The following ADAMTSL1 variants were observed in gnomAD, a reference collection of about 807,000 sequenced individuals.
The protein encoded by ADAMTSL1 is ADAMTS-like protein 1.
A neutral mutation model predicts 201.8 loss-of-function variants in ADAMTSL1; 126 were observed. The ratio of observed to expected loss-of-function variants is 0.62; its 90% confidence interval spans 0.54 to 0.72. The LOEUF (loss-of-function observed/expected upper bound fraction) is 0.72. Ranked by LOEUF, ADAMTSL1 falls within the 30% of genes least tolerant of loss-of-function variation. The pLI, the probability that ADAMTSL1 is intolerant of heterozygous loss-of-function variation, is 0.00. For missense variants in ADAMTSL1, 2,679 were observed against 2,277.8 expected, an observed-to-expected ratio of 1.18 and a Z score of -3.59; for synonymous variants, 1,121 against 903.4, an observed-to-expected ratio of 1.24 and a Z score of -4.32.
intron 23 of ADAMTSL1, among the ~76,000 whole-genome samples, chr9:18,834,760 C>T (rs1825208293): frequency 6.6e-6 from 1 of 152,154 alleles, no homozygotes; most frequent in Admixed American, 6.5e-5. Flanking sequence ...TTCTTTCACT[C>T]AGAATAATTA....
chr9:18,828,764 T>C (rs1824787584), intron 22 of ADAMTSL1, among the ~76,000 whole-genome samples: 1 of 147,940 alleles, frequency 6.8e-6, no homozygotes, highest in Admixed American at 6.7e-5. Context: ...CATCATTGTT[T>C]TCTCTATACA....
At chr9:18,120,534 G>T (rs541072469) in intron 1 of ADAMTSL1, among the ~76,000 whole-genome samples, 1 of 152,128 alleles carries the variant, frequency 6.6e-6, no homozygotes, top group Non-Finnish European at 1.5e-5. Flanking sequence ...TATGAATTAG[G>T]CTGTAGTCAT....
At chr9:18,869,518 C>G (rs1481434095) in intron 23 of ADAMTSL1, among the ~76,000 whole-genome samples, 2 of 152,178 alleles carry the variant, frequency 1.3e-5, no homozygotes, top group African/African-American at 4.8e-5. Context: ...AGAATAAATT[C>G]AATCCTGTTG....
chr9:18,745,620 T>G (rs1393840946), intron 15 of ADAMTSL1, among the ~76,000 whole-genome samples: 1 of 152,220 alleles, frequency 6.6e-6, no homozygotes, highest in East Asian at 1.9e-4. Flanking sequence ...TCATTGCTTC[T>G]AGGCCTTTCA....
At chr9:18,749,509 C>A (rs1819336242) in intron 15 of ADAMTSL1, among the ~76,000 whole-genome samples, 1 of 152,202 alleles carries the variant, frequency 6.6e-6, no homozygotes, top group Non-Finnish European at 1.5e-5. Context: ...CAGGCTTCTG[C>A]AGAAGCCAGG....
intron 15 of ADAMTSL1, among the ~76,000 whole-genome samples, chr9:18,747,008 A>C (rs1279366152): frequency 6.6e-6 from 1 of 152,104 alleles, no homozygotes. Context: ...GGGTGGTATC[A>C]GTGTGTTTGT....
intron 2 of ADAMTSL1, among the ~76,000 whole-genome samples, chr9:18,400,127 C>T (rs78846711): frequency 9.1e-6 from 1 of 110,132 alleles, no homozygotes; most frequent in African/African-American, 3.2e-5. Flanking sequence ...GCAACTCCCT[C>T]TTTCCAAAGC....
intron 1 of ADAMTSL1, among the ~76,000 whole-genome samples, chr9:18,113,206 C>G (rs1369852380): frequency 6.6e-6 from 1 of 151,950 alleles, no homozygotes; most frequent in Non-Finnish European, 1.5e-5. Flanking sequence ...TGAGTAAGTC[C>G]AATAGGAAGA....
chr9:18,031,205 GA>G (rs1236460228), intron 1 of ADAMTSL1, among the ~76,000 whole-genome samples: 20 of 152,146 alleles, frequency 1.3e-4, no homozygotes, highest in Non-Finnish European at 4.4e-5. Context: ...CTTTAGAGGT[GA>G]AAAAACACTC....
intron 4 of ADAMTSL1, among the ~76,000 whole-genome samples, chr9:18,585,276 C>T (rs13296911): frequency 0.058 from 8,854 of 152,158 alleles, 334 homozygotes; most frequent in Non-Finnish European, 0.086. Flanking sequence ...TTGGAAAGTT[C>T]TATCTGTTTA....
chr9:18,059,281 AG>A (rs1207707345), intron 1 of ADAMTSL1, among the ~76,000 whole-genome samples: 1 of 152,098 alleles, frequency 6.6e-6, no homozygotes, highest in African/African-American at 2.4e-5. Flanking sequence ...TGCATTCTTC[AG>A]TGCTTGTGTT....
At chr9:18,827,630 A>C (rs1824666563) in intron 22 of ADAMTSL1, among the ~76,000 whole-genome samples, 1 of 152,188 alleles carries the variant, frequency 6.6e-6, no homozygotes, top group Non-Finnish European at 1.5e-5. Context: ...GGTGCTTACC[A>C]ATGAGATTTT....
intron 1 of ADAMTSL1, among the ~76,000 whole-genome samples, chr9:18,026,698 A>ATC (rs1820711078): frequency 6.6e-6 from 1 of 152,012 alleles, no homozygotes; most frequent in Non-Finnish European, 1.5e-5. Flanking sequence ...ACATTTTGGT[A>ATC]TCAGGACAAT....
chr9:18,205,013 A>C (rs927556908), intron 2 of ADAMTSL1, among the ~76,000 whole-genome samples: 1 of 152,180 alleles, frequency 6.6e-6, no homozygotes, highest in Non-Finnish European at 1.5e-5. Context: ...ATCTTTCTCA[A>C]GGTCTCACAA....
intron 2 of ADAMTSL1, among the ~76,000 whole-genome samples, chr9:18,178,010 T>A (rs1204619728): frequency 6.6e-6 from 1 of 152,112 alleles, no homozygotes; most frequent in Admixed American, 6.5e-5. Context: ...TAGATAGTGG[T>A]CGGGAAGAGG....
chr9:18,686,901 G>A lies in ADAMTSL1; in HGVS notation c.1574+2101G>A, dbSNP rs796821035. ...TAAAGATCCGATTAAGATGCATTAC[G>A]TTTAACTTTAATCTTAATAAAATCT... On this transcript the variant is annotated intron_variant, in intron 13 of 28. Coordinates refer to ENST00000380548, the MANE Select transcript of ADAMTSL1 (RefSeq NM_001040272.6). Among the ~76,000 whole-genome samples the A allele has an allele frequency of 1.7e-3, 256 of 152,240 alleles. 2 individuals carry two copies. Among genetic ancestry groups the A allele is most frequent in the African/African-American group, 5.7e-3 (238 of 41,526 alleles).
chr9:18,073,092 A>G (rs565411905), intron 1 of ADAMTSL1, among the ~76,000 whole-genome samples: 3 of 152,324 alleles, frequency 2.0e-5, no homozygotes, highest in African/African-American at 7.2e-5. Flanking sequence ...ACTGAAGTTC[A>G]TGACATTCTG....
intron 15 of ADAMTSL1, among the ~76,000 whole-genome samples, chr9:18,731,910 C>T (rs1008295610): frequency 6.6e-6 from 1 of 152,166 alleles, no homozygotes; most frequent in Non-Finnish European, 1.5e-5. Context: ...TATCATCCAA[C>T]CACCTCCCAC....
chr9:18,712,609 A>G (rs1832683539), intron 14 of ADAMTSL1, among the ~76,000 whole-genome samples: 1 of 151,654 alleles, frequency 6.6e-6, no homozygotes. Context: ...TGAAAAGACC[A>G]AATCTATGTC....
Sources: allele counts gnomAD v4.1 joint callset (sites outside exome capture counted in the v4.1 genomes callset), GRCh38; gene constraint gnomAD v4.1.1; transcripts MANE v1.5; gene names NCBI Gene and HGNC (gene_info 2026-07-23, HGNC 2026-07-21).